EBF3: variants seen among roughly 807,000 people sequenced by gnomAD.
EBF3 encodes the protein transcription factor COE3.
A neutral mutation model predicts 77.1 loss-of-function variants in EBF3; 18 were observed. That is an observed-to-expected ratio of 0.23 (90% CI 0.16 to 0.35). The LOEUF is 0.35. Ranked by LOEUF, EBF3 falls within the 10% of genes least tolerant of loss-of-function variation. EBF3 has a pLI of 1.00. For missense variants in EBF3, 558 were observed against 860.0 expected (o/e 0.65, Z 4.39); for synonymous variants, 350 against 343.5 (o/e 1.02, Z -0.21).
Position 129,842,442 on chromosome 10 carries a change from G to A in EBF3, c.1195-149C>T. The A allele has an allele frequency of 2.1e-6, 2 of 957,556 alleles. No homozygotes were observed. Among genetic ancestry groups the A allele is most frequent in the South Asian group, 3.5e-5 (2 of 56,422 alleles). 59.3% of individuals were successfully genotyped at this position (957,556 alleles called of 1,614,324 possible). ...CTTAATGGGCAAAGAGCTTCCCCTA[G>A]AAAATCATTTACTGACGCTTTTGAA... is the stretch of plus-strand genomic sequence containing the variant. On this transcript the variant is annotated intron_variant, in intron 12 of 16. Coordinates refer to ENST00000440978, the MANE Select transcript of EBF3 (RefSeq NM_001375380.1). This position sits in a 1 kb window ranked among gnomAD's most constrained non-coding sequence, Gnocchi z 4.4.
rs145605209 is a variant in EBF3, at chr10:129,879,876, C to T, written c.555-2027G>A. On this transcript the variant is annotated intron_variant, in intron 6 of 16. Transcript: ENST00000440978. The surrounding 1 kb of genome is among the most constrained non-coding windows in gnomAD (Gnocchi z 4.7). ...CTGTCAGGCAATTAGGTTTTCACTT[C>T]GGGGACAGCAACACGGTGCAATTAC... Among the ~76,000 whole-genome samples, 7 of 152,278 alleles carry T rather than the reference C, an allele frequency of 4.6e-5. No individual in the cohort carries two copies. The South Asian group carries it at 8.3e-4, about 18-fold the overall frequency.
At chr10:129,920,465 G>A (rs79390929) in intron 6 of EBF3, among the ~76,000 whole-genome samples, 2,079 of 152,308 alleles carry the variant, frequency 0.014, 47 homozygotes, top group African/African-American at 0.048. Flanking sequence ...GGGCGGGGGC[G>A]GCACAGCATA....
intron 11 of EBF3, among the ~76,000 whole-genome samples, chr10:129,844,025 G>A (rs772165840): frequency 1.5e-4 from 23 of 152,198 alleles, no homozygotes; most frequent in Non-Finnish European, 2.8e-4. Flanking sequence ...GTAATAAAAC[G>A]GAGCTGAGCT....
chr10:129,841,293 C>A lies in EBF3; in HGVS notation c.1373-261G>T, dbSNP rs570493138. Among the ~76,000 whole-genome samples, 1 of 152,162 alleles carries A rather than the reference C, an allele frequency of 6.6e-6. No individual in the cohort carries two copies. Among genetic ancestry groups the A allele is most frequent in the Admixed American group, 6.5e-5 (1 of 15,276 alleles). On this transcript the variant is annotated intron_variant, in intron 13 of 16. Transcript: ENST00000440978. This position sits in a 1 kb window ranked among gnomAD's most constrained non-coding sequence, Gnocchi z 4.6. ...TCGATCTCGCCGTCAGTGGCTTTCA[C>A]GTTTCTCTTTAGAGGCAATTATCAA...
chr10:129,854,618 A>T (rs1851119291), intron 10 of EBF3, among the ~76,000 whole-genome samples: 1 of 152,206 alleles, frequency 6.6e-6, no homozygotes, highest in Admixed American at 6.5e-5. Flanking sequence ...TCTGCAGCCG[A>T]TTGCAGGTGC....
intron 10 of EBF3, among the ~76,000 whole-genome samples, chr10:129,849,220 G>A (rs1461621276): frequency 1.3e-5 from 2 of 152,200 alleles, no homozygotes; most frequent in Non-Finnish European, 2.9e-5. Context: ...AGGAGCCATC[G>A]GGCTTTATTA....
At chr10:129,925,752 TA>T (rs904313023) in intron 6 of EBF3, among the ~76,000 whole-genome samples, 2 of 151,022 alleles carry the variant, frequency 1.3e-5, no homozygotes, top group Non-Finnish European at 2.9e-5. Context: ...GAAAAAAAAA[TA>T]AAAACAAAAA....
chr10:129,913,573 G>A (rs933047076), intron 6 of EBF3, among the ~76,000 whole-genome samples: 6 of 152,280 alleles, frequency 3.9e-5, no homozygotes, highest in Non-Finnish European at 8.8e-5. Context: ...TGACGGTCCT[G>A]AGGCTGCAAC....
intron 6 of EBF3, among the ~76,000 whole-genome samples, chr10:129,917,018 C>A (rs1023891064): frequency 6.6e-6 from 1 of 152,196 alleles, no homozygotes; most frequent in African/African-American, 2.4e-5. Context: ...ATAATAAGTA[C>A]AATAGATTTG....
intron 8 of EBF3, 128 bp downstream of exon 8, chr10:129,873,324 G>T: frequency 8.7e-7 from 1 of 1,152,730 alleles, no homozygotes. Flanking sequence ...CCCTCATCCT[G>T]CCTTGGTGCA....
Position 129,963,205 on chromosome 10 carries a change from G to T in EBF3, c.291+162C>A. On this transcript the variant is annotated intron_variant, in intron 2 of 16. Transcript: ENST00000440978. The surrounding 1 kb of genome is among the most constrained non-coding windows in gnomAD (Gnocchi z 7.1). ...GTAAGTCCGAGGGCGCAGAGAAGTTGCCCAGCCCTCGGCGGTCCCGGGCGG... is the reference window on the plus strand; with the variant it reads ...GTAAGTCCGAGGGCGCAGAGAAGTTTCCCAGCCCTCGGCGGTCCCGGGCGG... 3 of 1,196,806 alleles carry T rather than the reference G, an allele frequency of 2.5e-6. No individual in the cohort carries two copies. Among genetic ancestry groups the T allele is most frequent in the Non-Finnish European group, 3.4e-6 (3 of 886,058 alleles). The allele number at this position is 1,196,806 out of a possible 1,614,324, so 74.1% of individuals were successfully genotyped here.
At chr10:129,917,268 C>T (rs1424655082) in intron 6 of EBF3, among the ~76,000 whole-genome samples, 3 of 152,152 alleles carry the variant, frequency 2.0e-5, no homozygotes, top group African/African-American at 7.2e-5. Context: ...ACTTGGAAGG[C>T]TGAGGCAGAA....
At position 129,841,152 on chromosome 10, in the gene EBF3, C is replaced by G; in HGVS notation, c.1373-120G>C. 1 of 1,341,496 alleles carries G rather than the reference C, an allele frequency of 7.5e-7. No homozygotes were observed. Among genetic ancestry groups the G allele is most frequent in the Non-Finnish European group, 1.0e-6 (1 of 994,662 alleles). 83.1% of individuals were successfully genotyped at this position (1,341,496 alleles called of 1,614,324 possible). ...TGCTAATTGACCCTGTGCTTTCCAC[C>G]TGCTCTAGCGCCTGCTGCCAGCTCG... On this transcript the variant is annotated intron_variant, in intron 13 of 16. Coordinates refer to ENST00000440978, the MANE Select transcript of EBF3 (RefSeq NM_001375380.1). The surrounding 1 kb of genome is among the most constrained non-coding windows in gnomAD (Gnocchi z 4.6).
In EBF3 at chr10:129,963,055, G is replaced by A. The variant is rs201419040; in HGVS notation, c.292-50C>T. 9 of 1,608,732 alleles carry A rather than the reference G, an allele frequency of 5.6e-6. No homozygotes were observed. The highest frequency in any genetic ancestry group is 4.3e-6 in the Non-Finnish European group (5 of 1,175,452). On this transcript the variant is annotated intron_variant, in intron 2 of 16. Transcript: ENST00000440978. This position sits in a 1 kb window ranked among gnomAD's most constrained non-coding sequence, Gnocchi z 7.1. ...ATTTAGTGCGATCGGTGTCAGGCGC[G>A]GCCACCACGCTCGGTCCCCCTCCGC...
At chr10:129,942,526 A>G (rs1030250507) in intron 6 of EBF3, among the ~76,000 whole-genome samples, 9 of 152,200 alleles carry the variant, frequency 5.9e-5, no homozygotes, top group African/African-American at 1.9e-4. Flanking sequence ...ACAGCTGTGC[A>G]GCCTTCATGA....
chr10:129,883,653 A>T (rs1853364049), intron 6 of EBF3, among the ~76,000 whole-genome samples: 1 of 151,396 alleles, frequency 6.6e-6, no homozygotes, highest in South Asian at 2.1e-4. Flanking sequence ...TTCAGTTACT[A>T]CTGTTTTAAT....
chr10:129,853,356 C>A lies in EBF3; in HGVS notation c.1040-4876G>T, dbSNP rs540983992. Among the ~76,000 whole-genome samples, 6 of 152,318 alleles carry A rather than the reference C, an allele frequency of 3.9e-5. No homozygotes were observed. The South Asian group carries it at 1.2e-3, about 32-fold the overall frequency. On this transcript the variant is annotated intron_variant, in intron 10 of 16. Transcript: ENST00000440978. Reference sequence around the variant, plus strand: ...GACTCCAACAATAAAAACAGGAAGACATTCATTTGCTTCATTCCAGCTGCT... The same window carrying A: ...GACTCCAACAATAAAAACAGGAAGAAATTCATTTGCTTCATTCCAGCTGCT...
intron 16 of EBF3, among the ~76,000 whole-genome samples, chr10:129,838,359 G>A (rs572929402): frequency 7.9e-5 from 12 of 152,362 alleles, no homozygotes; most frequent in South Asian, 2.1e-4. Flanking sequence ...GGTCACTCCC[G>A]TGACGCCAGT....
chr10:129,839,198 G>A lies in EBF3; in HGVS notation c.1760-3C>T. ...GTCCTCAGCACCCAGCAGAGAGCCT[G>A]GTACATAGTAGGTGCTCAGTAAATA... On this transcript the variant is annotated splice_polypyrimidine_tract_variant and splice_region_variant and intron_variant, in intron 15 of 16. Transcript: ENST00000440978. The A allele has an allele frequency of 1.6e-6, 2 of 1,244,568 alleles. No individual in the cohort carries two copies. The highest frequency in any genetic ancestry group is 2.1e-6 in the Non-Finnish European group (2 of 934,608). 77.1% of individuals were successfully genotyped at this position (1,244,568 alleles called of 1,614,324 possible).
Sources: allele counts gnomAD v4.1 joint callset (sites outside exome capture counted in the v4.1 genomes callset), GRCh38; gene constraint gnomAD v4.1.1; non-coding constraint Gnocchi (gnomAD v3.1); transcripts MANE v1.5; gene names NCBI Gene and HGNC (gene_info 2026-07-23, HGNC 2026-07-21).